Variants in ACCSL observed in about 807,000 individuals in gnomAD.
The protein encoded by ACCSL is probable inactive 1-aminocyclopropane-1-carboxylate synthase-like protein 2.
ACCSL carries 55 observed loss-of-function variants against 61.7 expected under a neutral mutation model. The ratio of observed to expected loss-of-function variants is 0.89; its 90% CI spans 0.72 to 1.12. The LOEUF (loss-of-function observed/expected upper bound fraction) is 1.12. Among genes scored for constraint, ACCSL ranks in the 50% most tolerant of loss-of-function variants. The pLI is 0.00. For synonymous variants in ACCSL, 258 were observed against 264.3 expected, an observed-to-expected ratio of 0.98 and a Z score of 0.23; for missense variants, 632 against 698.0, an observed-to-expected ratio of 0.91 and a Z score of 1.07.
At chr11:43,926,611 C>A in the ACCSL span, 1 of 317,378 alleles carries the variant, frequency 3.2e-6, no homozygotes, top group Non-Finnish European at 6.3e-6. Context: ...ACCCATGTGG[C>A]TTCTATTTTC....
chr11:44,035,570 C>T, the ACCSL span, among the ~76,000 whole-genome samples: 1 of 152,116 alleles, frequency 6.6e-6, no homozygotes, highest in Non-Finnish European at 1.5e-5. Context: ...ATTAGTTCCT[C>T]TCTTCAAGAT....
the ACCSL span, among the ~76,000 whole-genome samples, chr11:43,928,494 G>A: frequency 6.6e-6 from 1 of 152,124 alleles, no homozygotes; most frequent in Admixed American, 6.5e-5. Flanking sequence ...ACCCTATCAA[G>A]GCCTCAGGGT....
chr11:43,991,547 A>C, the ACCSL span, among the ~76,000 whole-genome samples: 1 of 152,168 alleles, frequency 6.6e-6, no homozygotes, highest in Admixed American at 6.5e-5. Flanking sequence ...TAATCCCAGC[A>C]CTTTGGGAGG....
At chr11:43,925,453 G>A in the ACCSL span, 1 of 456,180 alleles carries the variant, frequency 2.2e-6, no homozygotes, top group South Asian at 1.5e-5. Flanking sequence ...ATGTGGCAAG[G>A]ATCCCTGCTG....
chr11:43,964,894 A>G, the ACCSL span, among the ~76,000 whole-genome samples: 1 of 152,174 alleles, frequency 6.6e-6, no homozygotes, highest in African/African-American at 2.4e-5. Flanking sequence ...AACCTAACAC[A>G]TTTTCATCAG....
the ACCSL span, among the ~76,000 whole-genome samples, chr11:44,000,200 C>G: frequency 6.6e-6 from 1 of 152,110 alleles, no homozygotes. Context: ...TCTCAGCTCA[C>G]TGCAACCTCC....
At chr11:44,006,800 C>T in the ACCSL span, among the ~76,000 whole-genome samples, 1 of 152,116 alleles carries the variant, frequency 6.6e-6, no homozygotes, top group Admixed American at 6.6e-5. Flanking sequence ...CTACCACACC[C>T]AGACCTCTTT....
Position 44,048,445 on chromosome 11 carries a change from A to G in ACCSL, c.409A>G (p.Ile137Val). Residue 137 changes from isoleucine (I) to valine (V), a missense_variant, in exon 1 of 14, where the codon ATC becomes GTC. Coordinates refer to ENST00000378832, the MANE Select transcript of ACCSL (RefSeq NM_001031854.2). ...TGCCTTTGTCAACCGCGACCTATCC[A>G]TCCGTGGGATTGACATCTCTGTCTT... ...EAAFVNRDLSIRGIDISVFYQ... is the reference protein window; with the variant it reads ...EAAFVNRDLSVRGIDISVFYQ... The G allele has an allele frequency of 6.2e-7, 1 of 1,613,686 alleles. No homozygotes were observed. The highest frequency in any genetic ancestry group is 2.2e-5 in the East Asian group (1 of 44,816).
At chr11:43,994,770 C>CG in the ACCSL span, among the ~76,000 whole-genome samples, 13 of 151,992 alleles carry the variant, frequency 8.6e-5, no homozygotes, top group Non-Finnish European at 1.8e-4. Flanking sequence ...GTAGCTGGGA[C>CG]TACAATGCGC....
chr11:43,953,411 C>T, the ACCSL span, among the ~76,000 whole-genome samples: 36 of 151,016 alleles, frequency 2.4e-4, no homozygotes, highest in African/African-American at 8.5e-4. Context: ...ATCCCAGCTA[C>T]TTGGGAGGCT....
chr11:43,942,802 C>T, the ACCSL span: 3 of 821,648 alleles, frequency 3.7e-6, no homozygotes, highest in Non-Finnish European at 4.5e-6. Flanking sequence ...ATCCCCCGCC[C>T]GGCGAGCCCC....
the ACCSL span, among the ~76,000 whole-genome samples, chr11:43,969,495 G>A: frequency 3.9e-5 from 6 of 152,174 alleles, no homozygotes; most frequent in Admixed American, 3.9e-4. Flanking sequence ...AAATCACCCA[G>A]AACAGTGCTT....
the ACCSL span, among the ~76,000 whole-genome samples, chr11:43,934,492 A>G: frequency 1.3e-5 from 2 of 152,318 alleles, no homozygotes; most frequent in East Asian, 1.9e-4. Flanking sequence ...ACACATGCGC[A>G]CACACACACG....
chr11:43,983,648 A>G, the ACCSL span, among the ~76,000 whole-genome samples: 1 of 150,190 alleles, frequency 6.7e-6, no homozygotes, highest in Non-Finnish European at 1.5e-5. Flanking sequence ...CATCAACAGA[A>G]TCATGAGGGA....
At chr11:43,966,513 A>C in the ACCSL span, among the ~76,000 whole-genome samples, 1 of 152,134 alleles carries the variant, frequency 6.6e-6, no homozygotes, top group African/African-American at 2.4e-5. Context: ...ACAAAATGGG[A>C]GAAAATATTT....
At chr11:43,957,366 A>G in the ACCSL span, among the ~76,000 whole-genome samples, 6 of 149,814 alleles carry the variant, frequency 4.0e-5, no homozygotes, top group African/African-American at 1.5e-4. Context: ...CTGATTGGTA[A>G]TTGGTTAAAA....
the ACCSL span, among the ~76,000 whole-genome samples, chr11:43,934,601 G>T: frequency 2.5e-4 from 38 of 152,154 alleles, no homozygotes; most frequent in African/African-American, 8.9e-4. Flanking sequence ...GGAACTCTGA[G>T]ACCCACTCTA....
the ACCSL span, chr11:43,933,237 C>T: frequency 1.3e-5 from 6 of 453,608 alleles, no homozygotes; most frequent in African/African-American, 1.2e-4. Flanking sequence ...AGGCTACAAG[C>T]CCAGTCTCTA....
chr11:44,050,547 A>G lies in ACCSL; in HGVS notation c.565-5A>G. On this transcript the variant is annotated splice_polypyrimidine_tract_variant and splice_region_variant and intron_variant, in intron 2 of 13. Coordinates refer to ENST00000378832, the MANE Select transcript of ACCSL (RefSeq NM_001031854.2). Reference sequence around the variant, plus strand: ...TACCTGTCTTCATGTTCTATTTGTCAACAGTTGCAAGAAAGTGACATGAAC... The same window carrying G: ...TACCTGTCTTCATGTTCTATTTGTCGACAGTTGCAAGAAAGTGACATGAAC... 2.5e-6 allele frequency: 4 copies of G among 1,613,868 alleles called. No individual in the cohort carries two copies. Among genetic ancestry groups the G allele is most frequent in the Non-Finnish European group, 3.4e-6 (4 of 1,179,904 alleles).
Sources: allele counts gnomAD v4.1 joint callset (sites outside exome capture counted in the v4.1 genomes callset), GRCh38; gene constraint gnomAD v4.1.1; transcripts MANE v1.5; gene names NCBI Gene and HGNC (gene_info 2026-07-23, HGNC 2026-07-21).